Variants in PARL observed in about 807,000 individuals in gnomAD.
PARL encodes presenilin-associated rhomboid-like protein, mitochondrial.
Under a neutral mutation model 51.6 loss-of-function variants are expected in PARL, and 44 were observed. The ratio of observed to expected loss-of-function variants is 0.85; its 90% CI spans 0.67 to 1.10. PARL has a LOEUF of 1.10. Ranked by LOEUF, PARL falls within the 50% of genes least tolerant of loss-of-function variation. The probability of loss-of-function intolerance (pLI) is 0.00; values close to 1 mark genes in which losing one functional copy is unlikely to be tolerated. For synonymous variants in PARL, 172 were observed against 164.0 expected (o/e 1.05, Z -0.37); for missense variants, 441 against 469.5 (o/e 0.94, Z 0.56).
intron 3 of PARL, among the ~76,000 whole-genome samples, chr3:183,863,718 T>C (rs1485018659): frequency 6.6e-6 from 1 of 152,066 alleles, no homozygotes; most frequent in Non-Finnish European, 1.5e-5. Context: ...GGATTACAGA[T>C]ATGAGCCGCC....
At chr3:183,835,534 G>T (rs970069316) in intron 7 of PARL, among the ~76,000 whole-genome samples, 3 of 152,156 alleles carry the variant, frequency 2.0e-5, no homozygotes, top group Non-Finnish European at 4.4e-5. Flanking sequence ...GAGGACCCAA[G>T]AAGACCTGAA....
At chr3:183,855,517 T>C (rs1022669454) in intron 4 of PARL, among the ~76,000 whole-genome samples, 4 of 152,190 alleles carry the variant, frequency 2.6e-5, no homozygotes, top group Admixed American at 2.0e-4. Context: ...AATTTTTCCA[T>C]AGACCAGGGG....
intron 6 of PARL, among the ~76,000 whole-genome samples, chr3:183,841,258 G>A (rs1479461200): frequency 1.3e-5 from 2 of 152,178 alleles, no homozygotes; most frequent in African/African-American, 2.4e-5. Context: ...TAATGTATCT[G>A]AAACAGACCC....
intron 1 of PARL, chr3:183,883,581 C>A (rs1340079525): frequency 3.1e-5 from 31 of 984,994 alleles, no homozygotes; most frequent in Non-Finnish European, 3.6e-5. Flanking sequence ...CAGTATTAAT[C>A]TTTTCTTTCC....
At chr3:183,877,995 T>C (rs910192533) in intron 1 of PARL, among the ~76,000 whole-genome samples, 7 of 152,138 alleles carry the variant, frequency 4.6e-5, no homozygotes, top group Admixed American at 2.0e-4. Flanking sequence ...TTCATCATAT[T>C]GGTCAGGCCG....
Position 183,833,404 on chromosome 3 carries a change from A to G in PARL, c.1028+88T>C, listed in dbSNP as rs552427977. 616 of 826,890 alleles carry G rather than the reference A, an allele frequency of 7.4e-4. 13 individuals are homozygous for G. In the South Asian group the frequency reaches 8.1e-3, roughly 11 times the overall value. The allele number at this position is 826,890 out of a possible 1,614,324, so 51.2% of individuals were successfully genotyped here. On this transcript the variant is annotated intron_variant, in intron 9 of 9. Transcript: ENST00000317096. ...CGTTGCATAGTTCAATGTCTCTGCC[A>G]TGGGGATGGGGGGTAGGGGTGAGGC...
intron 2 of PARL, 100 bp downstream of exon 2, chr3:183,867,765 C>T: frequency 5.9e-6 from 5 of 849,316 alleles, no homozygotes; most frequent in Non-Finnish European, 1.0e-5. Context: ...TTTGATCCCC[C>T]CTCTACCTGT....
intron 1 of PARL, among the ~76,000 whole-genome samples, chr3:183,878,686 C>T (rs556083171): frequency 2.2e-4 from 33 of 152,140 alleles, no homozygotes; most frequent in Non-Finnish European, 4.0e-4. Flanking sequence ...CTTTAGTTTA[C>T]ATACAAATCA....
chr3:183,832,779 C>T (rs1728107199), intron 9 of PARL, among the ~76,000 whole-genome samples: 1 of 152,174 alleles, frequency 6.6e-6, no homozygotes, highest in Non-Finnish European at 1.5e-5. Context: ...CTTGTAACCA[C>T]AATGCCATTT....
At chr3:183,874,882 G>A (rs1335540402) in intron 1 of PARL, among the ~76,000 whole-genome samples, 3 of 152,046 alleles carry the variant, frequency 2.0e-5, no homozygotes, top group Admixed American at 2.0e-4. Context: ...AACCAACCTG[G>A]GCACCATAGT....
intron 3 of PARL, among the ~76,000 whole-genome samples, chr3:183,864,916 TTTTTTC>T (rs1732281966): frequency 8.7e-6 from 1 of 115,290 alleles, no homozygotes; most frequent in Non-Finnish European, 1.9e-5. Flanking sequence ...TTTTTTTTTT[TTTTTTC>T]CGTATTTCAT....
At chr3:183,876,959 C>A (rs561663788) in intron 1 of PARL, among the ~76,000 whole-genome samples, 1 of 152,360 alleles carries the variant, frequency 6.6e-6, no homozygotes, top group East Asian at 1.9e-4. Context: ...TGCCTGTAAT[C>A]CCAGTACCCT....
chr3:183,850,103 C>T (rs1730388128), intron 4 of PARL, among the ~76,000 whole-genome samples: 1 of 152,196 alleles, frequency 6.6e-6, no homozygotes, highest in African/African-American at 2.4e-5. Context: ...CTATGTTTCT[C>T]ATTGGCTTCA....
intron 1 of PARL, among the ~76,000 whole-genome samples, chr3:183,869,296 TC>T (rs72268838): frequency 0.28 from 42,059 of 151,756 alleles, 5,939 homozygotes; most frequent in East Asian, 0.53. Flanking sequence ...AACCTCTGCC[TC>T]CCCAGATGCA....
At chr3:183,861,753 T>A (rs1017686055) in intron 4 of PARL, among the ~76,000 whole-genome samples, 2 of 152,204 alleles carry the variant, frequency 1.3e-5, no homozygotes, top group East Asian at 3.8e-4. Context: ...AATTTTTTCT[T>A]TTCTATGCAA....
chr3:183,876,633 A>AAG (rs1560433877), intron 1 of PARL, among the ~76,000 whole-genome samples: 10 of 97,346 alleles, frequency 1.0e-4, no homozygotes, highest in Non-Finnish European at 2.0e-4. Context: ...AAAAAAAAAA[A>AAG]AAAAAGAAAA....
intron 4 of PARL, among the ~76,000 whole-genome samples, chr3:183,851,851 T>TTAA (rs1560397770): frequency 6.6e-6 from 1 of 152,120 alleles, no homozygotes; most frequent in Non-Finnish European, 1.5e-5. Flanking sequence ...ACGATGGCTA[T>TTAA]TATCACATTT....
Position 183,842,468 on chromosome 3 carries a change from G to A in PARL, c.608-21C>T, listed in dbSNP as rs200433955. On this transcript the variant is annotated intron_variant, in intron 5 of 9. Transcript: ENST00000317096. ...GACCTCTACAAGAGAGAGAAACATA[G>A]TCTGGTAATCATGAAACACACAGCC... The A allele has an allele frequency of 6.2e-6, 10 of 1,608,334 alleles. No homozygotes were observed. The African/African-American group carries it at 1.3e-4, about 21-fold the overall frequency.
chr3:183,872,928 CAA>C (rs1489318686), intron 1 of PARL, among the ~76,000 whole-genome samples: 2 of 152,132 alleles, frequency 1.3e-5, no homozygotes, highest in Non-Finnish European at 2.9e-5. Flanking sequence ...AGCCACTGAG[CAA>C]AGACACTAGC....
Sources: gnomAD v4.1 joint callset for allele counts (sites outside exome capture counted in the v4.1 genomes callset) on GRCh38, gnomAD v4.1.1 for gene constraint, MANE v1.5 for transcripts, NCBI Gene and HGNC (gene_info 2026-07-23, HGNC 2026-07-21) for gene names.